Variants in DLG2 observed in about 807,000 individuals in gnomAD.
DLG2 encodes discs large MAGUK scaffold protein 2, also known as disks large homolog 2.
DLG2 carries 45 observed loss-of-function variants against 132.5 expected under a neutral mutation model. The observed-to-expected ratio is 0.34, with a 90% confidence interval of 0.27 to 0.44. The LOEUF is 0.44. DLG2 is among the 20% of genes least tolerant of loss of function. The pLI, the probability that DLG2 is intolerant of heterozygous loss-of-function variation, is 1.00. For synonymous variants in DLG2, 424 were observed against 419.6 expected (o/e 1.01, Z -0.13); for missense variants, 1,045 against 1,196.9 (o/e 0.87, Z 1.87).
chr11:84,809,752 T>A lies in DLG2; in HGVS notation c.358-275021A>T, dbSNP rs1265608157. Reference sequence around the variant, plus strand: ...AATGATAAAATAAACCAAACAATTTTATTCTGAAGTGTATATGAAAATACA... The same window carrying A: ...AATGATAAAATAAACCAAACAATTTAATTCTGAAGTGTATATGAAAATACA... On this transcript the variant is annotated intron_variant, in intron 6 of 27. Coordinates refer to ENST00000376104, the MANE Select transcript of DLG2 (RefSeq NM_001142699.3). 2.0e-5 allele frequency among the ~76,000 whole-genome samples: 3 copies of A among 152,048 alleles called. No homozygotes were observed. In the East Asian group the frequency reaches 5.8e-4, roughly 29 times the overall value.
chr11:84,728,224 G>T (rs757750731), intron 6 of DLG2, among the ~76,000 whole-genome samples: 1 of 152,078 alleles, frequency 6.6e-6, no homozygotes, highest in Non-Finnish European at 1.5e-5. Flanking sequence ...TTGGCTGTGG[G>T]TTTGTCATAA....
rs558820850 is a variant in DLG2, at chr11:84,118,652, C to T, written c.625-19605G>A. ...ATATTTCTTTTAGAAGGTACTTAACCCGAGTATAAACAATTTCTTTTGTTC... is the reference window on the plus strand; with the variant it reads ...ATATTTCTTTTAGAAGGTACTTAACTCGAGTATAAACAATTTCTTTTGTTC... On this transcript the variant is annotated intron_variant, in intron 9 of 27. Transcript: ENST00000376104. 3.3e-5 allele frequency among the ~76,000 whole-genome samples: 5 copies of T among 152,236 alleles called. No individual in the cohort carries two copies. The South Asian group carries it at 8.3e-4, about 25-fold the overall frequency.
At chr11:85,166,097 G>A (rs1030996788) in intron 4 of DLG2, among the ~76,000 whole-genome samples, 1 of 151,886 alleles carries the variant, frequency 6.6e-6, no homozygotes, top group African/African-American at 2.4e-5. Context: ...CACTTTCTCT[G>A]ACATTTCACA....
intron 6 of DLG2, among the ~76,000 whole-genome samples, chr11:84,616,191 T>G (rs1388537455): frequency 2.0e-5 from 3 of 151,966 alleles, no homozygotes; most frequent in African/African-American, 4.8e-5. Flanking sequence ...GGTGGGGCAG[T>G]TGTAGGAAGG....
At chr11:85,318,543 C>T (rs1182418784) in intron 3 of DLG2, among the ~76,000 whole-genome samples, 14 of 151,742 alleles carry the variant, frequency 9.2e-5, no homozygotes, top group Admixed American at 6.6e-4. Flanking sequence ...CATCTTTGAG[C>T]TGATAAAATG....
intron 17 of DLG2, among the ~76,000 whole-genome samples, chr11:83,825,614 T>C (rs1428055369): frequency 1.3e-5 from 2 of 152,168 alleles, no homozygotes; most frequent in African/African-American, 4.8e-5. Flanking sequence ...TTTTTCCTTG[T>C]CTACTCCAAG....
chr11:85,409,755 C>A (rs1236176601), intron 3 of DLG2, among the ~76,000 whole-genome samples: 1 of 151,728 alleles, frequency 6.6e-6, no homozygotes, highest in Non-Finnish European at 1.5e-5. Flanking sequence ...TGACCTTCAG[C>A]AAATTATTTA....
At chr11:84,903,160 G>A (rs138692424) in intron 6 of DLG2, among the ~76,000 whole-genome samples, 1 of 152,156 alleles carries the variant, frequency 6.6e-6, no homozygotes, top group East Asian at 1.9e-4. Flanking sequence ...AATTAAACTG[G>A]TGATACTATA....
intron 3 of DLG2, among the ~76,000 whole-genome samples, chr11:85,357,238 TTGTGTGTGTG>T (rs71036472): frequency 0.031 from 3,648 of 118,182 alleles, 62 homozygotes; most frequent in East Asian, 0.091. Flanking sequence ...AATATCCTCT[TTGTGTGTGTG>T]TGTGTGTGTG....
intron 21 of DLG2, among the ~76,000 whole-genome samples, chr11:83,510,628 G>A (rs2094957901): frequency 6.6e-6 from 1 of 152,066 alleles, no homozygotes. Flanking sequence ...GGTGGGATGA[G>A]AACACAGGCC....
chr11:85,375,496 T>C (rs576108546), intron 3 of DLG2, among the ~76,000 whole-genome samples: 6 of 152,142 alleles, frequency 3.9e-5, no homozygotes, highest in Non-Finnish European at 8.8e-5. Flanking sequence ...CTGGGCAACA[T>C]AGCCAGACCT....
At chr11:85,222,745 A>G (rs933340666) in intron 4 of DLG2, among the ~76,000 whole-genome samples, 4 of 152,196 alleles carry the variant, frequency 2.6e-5, no homozygotes, top group African/African-American at 9.6e-5. Context: ...TAAAGTTGTA[A>G]TATGGATTCC....
intron 9 of DLG2, among the ~76,000 whole-genome samples, chr11:84,132,340 G>A (rs190056247): frequency 1.3e-5 from 2 of 152,098 alleles, no homozygotes; most frequent in African/African-American, 4.8e-5. Context: ...CTTGTAGTTG[G>A]AGAATTCCAC....
chr11:85,279,196 A>C (rs549333849), intron 4 of DLG2, among the ~76,000 whole-genome samples: 2 of 152,296 alleles, frequency 1.3e-5, no homozygotes, highest in African/African-American at 4.8e-5. Context: ...GATAGGTTAA[A>C]GATAGCCGGG....
intron 19 of DLG2, among the ~76,000 whole-genome samples, chr11:83,588,750 T>C (rs1365969146): frequency 6.6e-6 from 1 of 151,724 alleles, no homozygotes; most frequent in Non-Finnish European, 1.5e-5. Context: ...GAAAAAAATT[T>C]AGAAGAATGT....
intron 4 of DLG2, among the ~76,000 whole-genome samples, chr11:85,157,381 T>G (rs1215900504): frequency 6.6e-6 from 1 of 152,162 alleles, no homozygotes; most frequent in Non-Finnish European, 1.5e-5. Flanking sequence ...CCAAAAATGC[T>G]AAAGGCTCTA....
chr11:84,835,354 T>C (rs186754087), intron 6 of DLG2, among the ~76,000 whole-genome samples: 3 of 151,716 alleles, frequency 2.0e-5, no homozygotes, highest in Admixed American at 6.6e-5. Context: ...TGCTTTATGA[T>C]AGATGCAAAT....
chr11:84,242,345 G>T (rs567874034), intron 8 of DLG2, among the ~76,000 whole-genome samples: 18 of 150,882 alleles, frequency 1.2e-4, no homozygotes, highest in South Asian at 8.5e-4. Flanking sequence ...TCTTCTGTTG[G>T]TTTTTTTTTG....
chr11:84,248,202 T>A (rs914206770), intron 8 of DLG2, among the ~76,000 whole-genome samples: 4 of 152,142 alleles, frequency 2.6e-5, no homozygotes, highest in African/African-American at 9.7e-5. Flanking sequence ...CATTAATGAG[T>A]ATGCACTAAA....
Sources: gnomAD v4.1 joint callset for allele counts (sites outside exome capture counted in the v4.1 genomes callset) on GRCh38, gnomAD v4.1.1 for gene constraint, MANE v1.5 for transcripts, NCBI Gene and HGNC (gene_info 2026-07-23, HGNC 2026-07-21) for gene names.